RBP7: variants seen among roughly 807,000 people sequenced by gnomAD.
The protein encoded by RBP7 is retinoid-binding protein 7.
A neutral mutation model predicts 16.7 loss-of-function variants in RBP7; 13 were observed. That is an observed-to-expected ratio of 0.78 (90% confidence interval 0.51 to 1.24). The LOEUF (loss-of-function observed/expected upper bound fraction) is 1.24. RBP7 is among the 50% of genes most tolerant of loss of function. RBP7 has a pLI of 0.00. For missense variants in RBP7, 145 were observed against 159.5 expected (o/e 0.91, Z 0.49); for synonymous variants, 54 against 56.2 (o/e 0.96, Z 0.17).
chr1:9,997,396 G>A lies in RBP7; in HGVS notation c.73+65G>A. On this transcript the variant is annotated intron_variant, in intron 1 of 3. Coordinates refer to ENST00000294435, the MANE Select transcript of RBP7 (RefSeq NM_052960.3). The surrounding 1 kb of genome is among the most constrained non-coding windows in gnomAD (Gnocchi z 5.9). ...GTGGGTCTCGGGATCAGGCGAAGGC[G>A]GCCGGGCCGGGCCTGTAGGTACGTC... 1 of 1,483,146 alleles carries A rather than the reference G, an allele frequency of 6.7e-7. No homozygotes were observed. Among genetic ancestry groups the A allele is most frequent in the Non-Finnish European group, 9.4e-7 (1 of 1,068,888 alleles). The allele number at this position is 1,483,146 out of a possible 1,614,324, so 91.9% of individuals were successfully genotyped here.
intron 3 of RBP7, among the ~76,000 whole-genome samples, chr1:10,013,228 A>C (rs1570735983): frequency 6.6e-6 from 1 of 151,742 alleles, no homozygotes; most frequent in Non-Finnish European, 1.5e-5. Context: ...GCCCGCTACC[A>C]TGCCCAGCTA....
At chr1:9,999,411 G>C (rs1422114202) in intron 1 of RBP7, among the ~76,000 whole-genome samples, 1 of 152,108 alleles carries the variant, frequency 6.6e-6, no homozygotes, top group African/African-American at 2.4e-5. Flanking sequence ...AATTAGCTGG[G>C]CATGGTGGCG....
At position 9,997,398 on chromosome 1, in the gene RBP7, C is replaced by T; in HGVS notation, c.73+67C>T. 2 of 1,482,426 alleles carry T rather than the reference C, an allele frequency of 1.3e-6. No homozygotes were observed. Among genetic ancestry groups the T allele is most frequent in the South Asian group, 2.3e-5 (2 of 87,266 alleles). The allele number at this position is 1,482,426 out of a possible 1,614,324, so 91.8% of individuals were successfully genotyped here. On this transcript the variant is annotated intron_variant, in intron 1 of 3. Coordinates refer to ENST00000294435, the MANE Select transcript of RBP7 (RefSeq NM_052960.3). This position sits in a 1 kb window ranked among gnomAD's most constrained non-coding sequence, Gnocchi z 5.9. ...GGGTCTCGGGATCAGGCGAAGGCGGCCGGGCCGGGCCTGTAGGTACGTCCT... is the reference window on the plus strand; with the variant it reads ...GGGTCTCGGGATCAGGCGAAGGCGGTCGGGCCGGGCCTGTAGGTACGTCCT...
At chr1:10,006,158 ATCTTCATCT>A (rs1487259330) in intron 1 of RBP7, among the ~76,000 whole-genome samples, 2 of 152,122 alleles carry the variant, frequency 1.3e-5, no homozygotes, top group Non-Finnish European at 1.5e-5. Flanking sequence ...CCAAACCCTG[ATCTTCATCT>A]TCTTAGCATT....
At chr1:9,998,786 A>C (rs1394285690) in intron 1 of RBP7, among the ~76,000 whole-genome samples, 2 of 152,132 alleles carry the variant, frequency 1.3e-5, no homozygotes, top group Non-Finnish European at 2.9e-5. Flanking sequence ...CCCAAGAGAT[A>C]AGAGTGTTCC....
intron 3 of RBP7, among the ~76,000 whole-genome samples, chr1:10,009,036 C>T (rs143496544): frequency 2.6e-5 from 4 of 152,216 alleles, no homozygotes; most frequent in East Asian, 3.9e-4. Flanking sequence ...GTGAAAAGGA[C>T]GCCATTTTTC....
chr1:10,007,975 G>A (rs567072701), intron 2 of RBP7, among the ~76,000 whole-genome samples, 198 bp from the exon 3 acceptor site: 9 of 151,772 alleles, frequency 5.9e-5, no homozygotes, highest in Admixed American at 2.6e-4. Context: ...ACTTGAACCC[G>A]GGAGGTGGAG....
In RBP7 at chr1:9,997,982, C is replaced by T. The variant is rs988201208; in HGVS notation, c.73+651C>T. ...CCGCCTCCCACGAGGGCTGGGTGCC[C>T]GCGGCGTTCTTGCTCCCGGGGGCCC... is the stretch of plus-strand genomic sequence containing the variant. On this transcript the variant is annotated intron_variant, in intron 1 of 3. Coordinates refer to ENST00000294435, the MANE Select transcript of RBP7 (RefSeq NM_052960.3). The surrounding 1 kb of genome is among the most constrained non-coding windows in gnomAD (Gnocchi z 5.9). 5.3e-5 allele frequency among the ~76,000 whole-genome samples: 8 copies of T among 152,140 alleles called. No homozygotes were observed. Among genetic ancestry groups the T allele is most frequent in the African/African-American group, 1.9e-4 (8 of 41,444 alleles).
chr1:10,014,446 C>T (rs7517806), intron 3 of RBP7, among the ~76,000 whole-genome samples: 40,505 of 148,974 alleles, frequency 0.27, 7,669 homozygotes, highest in African/African-American at 0.53. Flanking sequence ...AGTGCAGTGG[C>T]GCAATCTTGG....
Position 10,012,197 on chromosome 1 carries a change from G to A in RBP7, c.355-3585G>A, listed in dbSNP as rs563941288. On this transcript the variant is annotated intron_variant, in intron 3 of 3. Transcript: ENST00000294435. ...TTGCACTCCAGCCTGGGCAACAAGA[G>A]TGAAACTCCATCTCAAAAAAAAAAA... Among the ~76,000 whole-genome samples the A allele has an allele frequency of 1.5e-4, 20 of 135,080 alleles. No individual in the cohort carries two copies. The East Asian group carries it at 4.3e-3, about 29-fold the overall frequency. 88.6% of individuals were successfully genotyped at this position (135,080 alleles called of 152,430 possible). A position where few individuals can be genotyped will look rare whatever the true frequency, so the allele number is the denominator to read the frequency against.
intron 1 of RBP7, among the ~76,000 whole-genome samples, chr1:9,998,212 C>CAGG (rs1368354346): frequency 1.3e-5 from 2 of 151,784 alleles, no homozygotes; most frequent in African/African-American, 4.8e-5. Flanking sequence ...GGCTGGTGTC[C>CAGG]AACTCCTGAC....
chr1:10,010,193 G>T (rs1413856376), intron 3 of RBP7, among the ~76,000 whole-genome samples: 4 of 152,004 alleles, frequency 2.6e-5, no homozygotes, highest in African/African-American at 9.7e-5. Context: ...TCAGCTCGCT[G>T]CAAACTCTGC....
At chr1:10,006,297 A>G (rs1193604871) in intron 1 of RBP7, among the ~76,000 whole-genome samples, 1 of 152,090 alleles carries the variant, frequency 6.6e-6, no homozygotes, top group Non-Finnish European at 1.5e-5. Context: ...GCTTGAGCCC[A>G]AGAGTTCGAG....
chr1:10,013,733 C>A (rs1292437265), intron 3 of RBP7, among the ~76,000 whole-genome samples: 1 of 152,002 alleles, frequency 6.6e-6, no homozygotes, highest in Admixed American at 6.6e-5. Context: ...TCACTTGAAC[C>A]CAGGAGGTGG....
chr1:9,997,489 G>T lies in RBP7; in HGVS notation c.73+158G>T, dbSNP rs1257033333. Among the ~76,000 whole-genome samples the T allele has an allele frequency of 6.6e-6, 1 of 151,930 alleles. No homozygotes were observed. The highest frequency in any genetic ancestry group is 6.6e-5 in the Admixed American group (1 of 15,250). ...TCGCCCCCGAGTCCGCTGGTCCTTGGCGCCTCCGTCCATCGGGCGCGGGAC... is the reference window on the plus strand; with the variant it reads ...TCGCCCCCGAGTCCGCTGGTCCTTGTCGCCTCCGTCCATCGGGCGCGGGAC... On this transcript the variant is annotated intron_variant, in intron 1 of 3. Coordinates refer to ENST00000294435, the MANE Select transcript of RBP7 (RefSeq NM_052960.3). The surrounding 1 kb of genome is among the most constrained non-coding windows in gnomAD (Gnocchi z 5.9).
Position 10,008,193 on chromosome 1 carries a change from T to A in RBP7, c.273T>A (p.Asn91Lys). 6.2e-7 allele frequency: 1 copy of A among 1,611,276 alleles called. No individual in the cohort carries two copies. Among genetic ancestry groups the A allele is most frequent in the South Asian group, 1.1e-5 (1 of 91,020 alleles). Residue 91 changes from asparagine to lysine, a missense_variant, in exon 3 of 4, where the codon AAT (asparagine) becomes AAA (lysine). Asn to Lys is a moderately conservative substitution (Grantham distance 94). Coordinates refer to ENST00000294435, the MANE Select transcript of RBP7 (RefSeq NM_052960.3). ...RKCKSLVIWD[N>K]DRLTCIQKGE... ...TGCAGAGTTTGGTTATCTGGGACAATGACAGGCTCACCTGTATCCAGAAGG... is the reference window on the plus strand; with the variant it reads ...TGCAGAGTTTGGTTATCTGGGACAAAGACAGGCTCACCTGTATCCAGAAGG...
At chr1:10,006,435 G>A (rs1642442402) in intron 1 of RBP7, among the ~76,000 whole-genome samples, 2 of 152,080 alleles carry the variant, frequency 1.3e-5, no homozygotes, top group Admixed American at 1.3e-4. Flanking sequence ...ACTTGAGCCT[G>A]AAAGGTTGAG....
At chr1:10,012,271 C>T (rs1456746186) in intron 3 of RBP7, among the ~76,000 whole-genome samples, 1 of 148,728 alleles carries the variant, frequency 6.7e-6, no homozygotes, top group African/African-American at 2.5e-5. Context: ...ATCCCAGCTA[C>T]TCAGGAGGCT....
intron 1 of RBP7, 58 bp from the exon 2 acceptor site, chr1:10,007,512 A>G: frequency 3.1e-6 from 4 of 1,278,684 alleles, no homozygotes; most frequent in Non-Finnish European, 3.2e-6. Context: ...CAGCTACCAA[A>G]TTCTTCACTT....
Sources: allele counts gnomAD v4.1 joint callset (sites outside exome capture counted in the v4.1 genomes callset), GRCh38; gene constraint gnomAD v4.1.1; non-coding constraint Gnocchi (gnomAD v3.1); transcripts MANE v1.5; gene names NCBI Gene and HGNC (gene_info 2026-07-23, HGNC 2026-07-21).